The following RALGDS variants were observed in gnomAD, a reference collection of about 807,000 sequenced individuals.
RALGDS encodes the protein ral guanine nucleotide dissociation stimulator, also known as ral guanine nucleotide exchange factor.
In RALGDS, 44 loss-of-function variants were observed where a neutral mutation model predicts 99.8. The ratio of observed to expected loss-of-function variants is 0.44; its 90% CI spans 0.35 to 0.57. The LOEUF is 0.57. RALGDS is among the 20% of genes least tolerant of loss of function. The probability of loss-of-function intolerance (pLI) is 0.01; values close to 1 mark genes in which losing one functional copy is unlikely to be tolerated. For synonymous variants in RALGDS, 529 were observed against 505.0 expected (o/e 1.05, Z -0.64); for missense variants, 1,022 against 1,203.1 (o/e 0.85, Z 2.23).
At chr9:133,118,605 T>C (rs1831741529) in intron 1 of RALGDS, among the ~76,000 whole-genome samples, 1 of 152,246 alleles carries the variant, frequency 6.6e-6, no homozygotes, top group Non-Finnish European at 1.5e-5. Flanking sequence ...TTAGCTGTTA[T>C]CTTAAACCTG....
chr9:133,098,416 G>C lies in RALGDS; in HGVS notation c.*171C>G. ...CAGCGAGTGGTCCACGGGAGGCCAG[G>C]TCAGCCTGACCAATGGCAGGCGTCA... On this transcript the variant is annotated 3_prime_UTR_variant, in exon 18 of 18. Coordinates refer to ENST00000372050, the MANE Select transcript of RALGDS (RefSeq NM_006266.4). 1.4e-6 allele frequency: 1 copy of C among 710,258 alleles called. No homozygotes were observed. Among genetic ancestry groups the C allele is most frequent in the South Asian group, 1.7e-5 (1 of 57,490 alleles). The allele number at this position is 710,258 out of a possible 1,614,324, so 44.0% of individuals were successfully genotyped here. A position where few individuals can be genotyped will look rare whatever the true frequency, so the allele number is the denominator to read the frequency against.
In RALGDS at chr9:133,110,412, C is replaced by T. The variant is rs767986578; in HGVS notation, c.372G>A (p.Leu124=). The T allele has an allele frequency of 3.1e-6, 5 of 1,613,352 alleles. No individual in the cohort carries two copies. In the Admixed American group the frequency reaches 8.3e-5, roughly 27 times the overall value. Residue 124 remains leucine, a synonymous_variant, in exon 3 of 18, where the codon CTG becomes CTA. Transcript: ENST00000372050. ...GGAAGGCTGGCACCAGGTGCTCCAC[C>T]AGCTTCTCCAGCGTGCCAGCCTTCA... ...RTVKAGTLEK[L]VEHLVPAFQG...
intron 1 of RALGDS, among the ~76,000 whole-genome samples, chr9:133,127,805 C>T (rs151271054): frequency 1.3e-5 from 2 of 152,214 alleles, no homozygotes; most frequent in African/African-American, 4.8e-5. Context: ...AGCACCGAAC[C>T]ACTGAAATCT....
At position 133,112,063 on chromosome 9, in the gene RALGDS, G is replaced by T; in HGVS notation, c.273C>A (p.Asn91Lys). 1 of 1,582,576 alleles carries T rather than the reference G, an allele frequency of 6.3e-7. No individual in the cohort carries two copies. Among genetic ancestry groups the T allele is most frequent in the Non-Finnish European group, 8.6e-7 (1 of 1,163,260 alleles). ...LRKVQLHHGG[N>K]KGQRWLGYEN... ...TCACCCCGAGCCAGCGCTGCCCCTT[G>T]TTGCCTCCGTGGTGCAGCTGCACCT... Residue 91 changes from asparagine to lysine, a missense_variant, in exon 2 of 18, where the codon AAC becomes AAA. Around this residue, in one of 3 missense-constraint regions of RALGDS, gnomAD observed 180 missense variants for 169.3 expected, o/e 1.06. Coordinates refer to ENST00000372050, the MANE Select transcript of RALGDS (RefSeq NM_006266.4).
chr9:133,115,327 G>A (rs1368925831), intron 1 of RALGDS, among the ~76,000 whole-genome samples: 1 of 152,206 alleles, frequency 6.6e-6, no homozygotes, highest in Non-Finnish European at 1.5e-5. Context: ...AGCGGAGTGA[G>A]GAGAGGGCTC....
At chr9:133,141,175 T>G (rs529601094) in intron 1 of RALGDS, among the ~76,000 whole-genome samples, 1 of 152,234 alleles carries the variant, frequency 6.6e-6, no homozygotes, top group East Asian at 1.9e-4. Flanking sequence ...CCTGCAGAGT[T>G]GTCACCAACA....
At chr9:133,120,429 C>A (rs192643315) in intron 1 of RALGDS, among the ~76,000 whole-genome samples, 2,916 of 65,734 alleles carry the variant, frequency 0.044, 91 homozygotes, top group African/African-American at 0.13. Context: ...CATCCCCCGA[C>A]CCCCCCCCCA....
At chr9:133,134,112 C>T (rs574930412), upstream of RALGDS, among the ~76,000 whole-genome samples, 1 of 152,338 alleles carries the variant, frequency 6.6e-6, no homozygotes, top group East Asian at 1.9e-4. Context: ...GAACCTGAGG[C>T]CCCGTCAAGT....
Position 133,110,311 on chromosome 9 carries a change from T to G in RALGDS, c.473A>C (p.Asp158Ala). 3 of 1,613,686 alleles carry G rather than the reference T, an allele frequency of 1.9e-6. No homozygotes were observed. The highest frequency in any genetic ancestry group is 2.5e-6 in the Non-Finnish European group (3 of 1,179,888). Residue 158 changes from aspartate to alanine, a missense_variant, in exon 3 of 18, where the codon GAC (aspartate) becomes GCC (alanine). Physicochemically the swap from Asp to Ala is moderately radical, Grantham distance 126. Transcript: ENST00000372050. The part of the protein sequence containing the change: ...RAFTTTQQVL[D>A]LLFKRYGRCD... ...TCATGCTCACCTTTTGAACAGCAGG[T>G]CCAGGACCTGTTGGGTGGTGGTGAA... is the stretch of plus-strand genomic sequence containing the variant.
chr9:133,148,236 C>T (rs545132075), intron 1 of RALGDS, among the ~76,000 whole-genome samples: 1 of 152,354 alleles, frequency 6.6e-6, no homozygotes, highest in African/African-American at 2.4e-5. Flanking sequence ...TTTGAGGCTT[C>T]CTTTCCTACA....
chr9:133,139,712 C>T (rs1242576317), intron 1 of RALGDS, among the ~76,000 whole-genome samples: 2 of 152,232 alleles, frequency 1.3e-5, no homozygotes, highest in African/African-American at 2.4e-5. Context: ...CTGCCCTCCA[C>T]CCACACCCTG....
At chr9:133,113,638 A>T (rs1011748597) in intron 1 of RALGDS, among the ~76,000 whole-genome samples, 1 of 152,086 alleles carries the variant, frequency 6.6e-6, no homozygotes, top group Non-Finnish European at 1.5e-5. Context: ...CCTTTTCCTG[A>T]CTCACACATC....
Position 133,114,646 on chromosome 9 carries a change from C to T in RALGDS, c.184-2494G>A, listed in dbSNP as rs539059205. Among the ~76,000 whole-genome samples the T allele has an allele frequency of 9.2e-5, 14 of 152,350 alleles. No homozygotes were observed. The East Asian group carries it at 1.3e-3, about 15-fold the overall frequency. On this transcript the variant is annotated intron_variant, in intron 1 of 17. Transcript: ENST00000372050. Reference sequence around the variant, plus strand: ...GAGCTCAGAGCGGGAGGAGCAGGAACGGCCTAGTGAACAGCTGATGCAGAG... The same window carrying T: ...GAGCTCAGAGCGGGAGGAGCAGGAATGGCCTAGTGAACAGCTGATGCAGAG...
intron 10 of RALGDS, 132 bp downstream of exon 10, chr9:133,104,131 G>A: frequency 1.0e-6 from 1 of 957,906 alleles, no homozygotes; most frequent in South Asian, 1.4e-5. Context: ...GCTGATCCAG[G>A]TGTGGCTCTG....
chr9:133,110,154 G>A, intron 3 of RALGDS, 142 bp downstream of exon 3: 1 of 874,230 alleles, frequency 1.1e-6, no homozygotes, highest in South Asian at 1.6e-5. Flanking sequence ...ACCCCATGAG[G>A]TCCTCTTAGC....
At chr9:133,109,565 T>C in intron 4 of RALGDS, 61 bp downstream of exon 4, 1 of 1,458,600 alleles carries the variant, frequency 6.9e-7, no homozygotes. Flanking sequence ...CCCAGCCCCA[T>C]GTACTCTCCC....
intron 1 of RALGDS, among the ~76,000 whole-genome samples, chr9:133,141,318 C>T (rs886072189): frequency 1.3e-5 from 2 of 152,220 alleles, no homozygotes; most frequent in Non-Finnish European, 2.9e-5. Flanking sequence ...CTGCCCCACC[C>T]TCTCCCAGGG....
At chr9:133,108,543 T>C in intron 5 of RALGDS, 130 bp downstream of exon 5, 1 of 1,415,376 alleles carries the variant, frequency 7.1e-7, no homozygotes, top group African/African-American at 1.4e-5. Flanking sequence ...CTGCCTGTGG[T>C]CCCTGCCTGT....
At position 133,144,759 on chromosome 9, in the gene RALGDS, G is replaced by A. The variant is rs1564256684; in HGVS notation, c.18+4204C>T. On this transcript the variant is annotated intron_variant, in intron 1 of 17. Coordinates refer to the RALGDS transcript ENST00000393160. The surrounding 1 kb of genome is among the most constrained non-coding windows in gnomAD (Gnocchi z 4.5). ...CACGCGGGTACCCGGCCTTTGGGAGGGGGATCATTCCCAATACTCCTGTTA... is the reference window on the plus strand; with the variant it reads ...CACGCGGGTACCCGGCCTTTGGGAGAGGGATCATTCCCAATACTCCTGTTA... Among the ~76,000 whole-genome samples the A allele has an allele frequency of 6.6e-6, 1 of 152,218 alleles. No individual in the cohort carries two copies. Among genetic ancestry groups the A allele is most frequent in the Non-Finnish European group, 1.5e-5 (1 of 68,044 alleles).
Sources: allele counts gnomAD v4.1 joint callset (sites outside exome capture counted in the v4.1 genomes callset), GRCh38; gene constraint gnomAD v4.1.1; regional missense constraint gnomAD v4.1.1; non-coding constraint Gnocchi (gnomAD v3.1); transcripts MANE v1.5; gene names NCBI Gene and HGNC (gene_info 2026-07-23, HGNC 2026-07-21).